Variants in KIAA1549 observed in about 807,000 individuals in gnomAD.
KIAA1549 encodes KIAA1549, also known as UPF0606 protein KIAA1549.
In KIAA1549, 70 loss-of-function variants were observed where a neutral mutation model predicts 156.4. That is an observed-to-expected ratio of 0.45 (90% CI 0.37 to 0.55). The LOEUF (loss-of-function observed/expected upper bound fraction) is 0.55. Among genes scored for constraint, KIAA1549 ranks in the 20% least tolerant of loss-of-function variants. The probability of loss-of-function intolerance (pLI) is 0.00; values close to 1 mark genes in which losing one functional copy is unlikely to be tolerated. For synonymous variants in KIAA1549, 1,103 were observed against 1,066.4 expected, an observed-to-expected ratio of 1.03 and a Z score of -0.67; for missense variants, 2,428 against 2,540.9, an observed-to-expected ratio of 0.96 and a Z score of 0.96.
intron 10 of KIAA1549, among the ~76,000 whole-genome samples, chr7:138,890,290 C>A (rs1361182344): frequency 6.6e-6 from 1 of 152,184 alleles, no homozygotes; most frequent in African/African-American, 2.4e-5. Context: ...CCACAGTATT[C>A]GGGTTAGCCT....
At chr7:138,911,410 T>A (rs1584749573) in intron 3 of KIAA1549, 87 bp from the exon 4 acceptor site, 9 of 1,042,566 alleles carry the variant, frequency 8.6e-6, no homozygotes, top group African/African-American at 1.7e-5. Context: ...CTAAAAAAAC[T>A]GGTAGTTTTG....
chr7:138,912,714 AC>A lies in KIAA1549; in HGVS notation c.2879-255del, dbSNP rs775430319. Among the ~76,000 whole-genome samples, 3 of 151,464 alleles carry A rather than the reference AC, an allele frequency of 2.0e-5. No homozygotes were observed. The East Asian group carries it at 5.8e-4, about 29-fold the overall frequency. On this transcript the variant is annotated intron_variant, in intron 2 of 19. Transcript: ENST00000422774. ...AGCATCAGCTCAACACACTAAGAAA[AC>A]CCTCTTTGCCCCAGATAGGTTAGAT...
intron 15 of KIAA1549, 31 bp downstream of exon 15, chr7:138,867,944 A>C (rs1436747606): frequency 6.2e-7 from 1 of 1,607,794 alleles, no homozygotes; most frequent in Admixed American, 1.7e-5. Context: ...GCCCCACCCG[A>C]GTTCCAGAAA....
At chr7:138,861,762 T>C (rs967914834) in intron 15 of KIAA1549, among the ~76,000 whole-genome samples, 3 of 151,430 alleles carry the variant, frequency 2.0e-5, no homozygotes, top group African/African-American at 7.3e-5. Flanking sequence ...TCCCAGTTAC[T>C]TGGGAGGCTG....
At chr7:138,873,502 G>A (rs751728432) in intron 12 of KIAA1549, among the ~76,000 whole-genome samples, 10 of 151,888 alleles carry the variant, frequency 6.6e-5, no homozygotes, top group Middle Eastern at 3.4e-3. Context: ...ATGTCACAGA[G>A]GGTAGCCCAT....
intron 1 of KIAA1549, among the ~76,000 whole-genome samples, chr7:138,971,637 C>T (rs985198348): frequency 2.0e-5 from 3 of 152,150 alleles, no homozygotes; most frequent in South Asian, 2.1e-4. Flanking sequence ...ACCCAGTCAG[C>T]GGCTGTCACA....
intron 12 of KIAA1549, among the ~76,000 whole-genome samples, chr7:138,878,270 GA>G (rs1158301859): frequency 6.6e-6 from 1 of 151,686 alleles, no homozygotes; most frequent in African/African-American, 2.4e-5. Flanking sequence ...AGTGAGAGGA[GA>G]CAAGGACAGG....
chr7:138,903,848 TGTGTGCGCGCGCGC>T (rs1811925913), intron 7 of KIAA1549, 112 bp from the exon 8 acceptor site: 8 of 341,138 alleles, frequency 2.3e-5, no homozygotes, highest in South Asian at 1.9e-4. Flanking sequence ...TGTGTGTGTG[TGTGTGCGCGCGCGC>T]GCGCGCGCAC....
intron 1 of KIAA1549, among the ~76,000 whole-genome samples, chr7:138,943,318 A>G (rs1379338797): frequency 6.6e-6 from 1 of 152,198 alleles, no homozygotes; most frequent in Non-Finnish European, 1.5e-5. Flanking sequence ...AATCCCTGCC[A>G]GAGAATCTGG....
At chr7:138,953,187 C>A (rs1249906367) in intron 1 of KIAA1549, among the ~76,000 whole-genome samples, 2 of 152,134 alleles carry the variant, frequency 1.3e-5, no homozygotes, top group South Asian at 4.1e-4. Context: ...AAAACCTCAT[C>A]TCTACTAAAA....
At chr7:138,893,255 A>G (rs563745282) in intron 10 of KIAA1549, among the ~76,000 whole-genome samples, 98 of 152,236 alleles carry the variant, frequency 6.4e-4, no homozygotes, top group Non-Finnish European at 1.1e-3. Context: ...ATCTGCTGTC[A>G]AATTAGGTGT....
intron 3 of KIAA1549, among the ~76,000 whole-genome samples, chr7:138,912,011 C>T (rs1812183706): frequency 1.3e-5 from 2 of 152,186 alleles, no homozygotes; most frequent in African/African-American, 4.8e-5. Flanking sequence ...TGCACCTGTA[C>T]TCACTCTAAC....
At chr7:138,856,036 A>AT (rs57818656) in intron 16 of KIAA1549, among the ~76,000 whole-genome samples, 297 of 141,746 alleles carry the variant, frequency 2.1e-3, no homozygotes, top group Middle Eastern at 3.6e-3. Context: ...TATTTATTTT[A>AT]TTTTTTTTTT....
At chr7:138,926,227 C>G in intron 1 of KIAA1549, among the ~76,000 whole-genome samples, 1 of 152,198 alleles carries the variant, frequency 6.6e-6, no homozygotes, top group East Asian at 1.9e-4. Context: ...CCAACAAAAG[C>G]AGTTGATCAT....
rs146123148 is a variant in KIAA1549, at chr7:138,831,813, C to T, written c.*6093G>A. On this transcript the variant is annotated 3_prime_UTR_variant, in exon 20 of 20. Coordinates refer to ENST00000422774, the MANE Select transcript of KIAA1549 (RefSeq NM_001164665.2). ...TCTGCCGAGCAACCTTTCCTATTAA[C>T]GCTAGCCAGACTCCCTGCGTCCCAG... 15 of 232,488 alleles carry T rather than the reference C, an allele frequency of 6.5e-5. No homozygotes were observed. The highest frequency in any genetic ancestry group is 2.4e-4 in the East Asian group (4 of 16,512). 14.4% of individuals were successfully genotyped at this position (232,488 alleles called of 1,614,324 possible). A position where few individuals can be genotyped will look rare whatever the true frequency, so the allele number is the denominator to read the frequency against.
chr7:138,878,805 C>T (rs1185210721), intron 12 of KIAA1549, among the ~76,000 whole-genome samples: 1 of 135,748 alleles, frequency 7.4e-6, no homozygotes, highest in African/African-American at 2.5e-5. Context: ...TCCCAATGAT[C>T]TTTGCATTAC....
intron 7 of KIAA1549, 32 bp downstream of exon 7, chr7:138,904,990 A>T: frequency 7.1e-7 from 1 of 1,414,264 alleles, no homozygotes; most frequent in Non-Finnish European, 9.8e-7. Flanking sequence ...TTCTCCTTAC[A>T]GTTCCCAAAA....
intron 1 of KIAA1549, among the ~76,000 whole-genome samples, chr7:138,933,288 A>G (rs1812923317): frequency 6.6e-6 from 1 of 152,252 alleles, no homozygotes; most frequent in African/African-American, 2.4e-5. Flanking sequence ...CAAGTTTCTA[A>G]AAAGGCAAAG....
At chr7:138,848,982 C>T (rs1051547494) in intron 17 of KIAA1549, among the ~76,000 whole-genome samples, 1 of 152,222 alleles carries the variant, frequency 6.6e-6, no homozygotes, top group Non-Finnish European at 1.5e-5. Flanking sequence ...ATCATCCCAT[C>T]TCAGCCTCCA....
Sources: gnomAD v4.1 joint callset for allele counts (sites outside exome capture counted in the v4.1 genomes callset) on GRCh38, gnomAD v4.1.1 for gene constraint, MANE v1.5 for transcripts, NCBI Gene and HGNC (gene_info 2026-07-23, HGNC 2026-07-21) for gene names.